CACNA2D3: variants seen among roughly 807,000 people sequenced by gnomAD.
CACNA2D3 encodes calcium voltage-gated channel auxiliary subunit alpha2delta 3, also known as voltage-dependent calcium channel subunit alpha-2/delta-3.
In CACNA2D3, 60 loss-of-function variants were observed where a neutral mutation model predicts 160.6. The observed-to-expected ratio is 0.37, with a 90% confidence interval of 0.30 to 0.46. The LOEUF is 0.46. CACNA2D3 is among the 20% of genes least tolerant of loss of function. The pLI, the probability that CACNA2D3 is intolerant of heterozygous loss-of-function variation, is 1.00. For synonymous variants in CACNA2D3, 558 were observed against 492.9 expected, an observed-to-expected ratio of 1.13 and a Z score of -1.75; for missense variants, 1,205 against 1,365.0, an observed-to-expected ratio of 0.88 and a Z score of 1.85.
intron 2 of CACNA2D3, among the ~76,000 whole-genome samples, chr3:54,176,504 A>G (rs935023338): frequency 1.1e-4 from 17 of 152,136 alleles, no homozygotes; most frequent in African/African-American, 4.1e-4. Context: ...TAATGTTTTA[A>G]TTCACGTGTG....
rs771978163 is a variant in CACNA2D3, at chr3:54,984,573, G to GT, written c.2557-28dup. The GT allele has an allele frequency of 5.2e-5, 68 of 1,315,144 alleles. 1 individual carries two copies. In the African/African-American group the frequency reaches 9.0e-4, roughly 17 times the overall value. The allele number at this position is 1,315,144 out of a possible 1,614,324, so 81.5% of individuals were successfully genotyped here. On this transcript the variant is annotated intron_variant, in intron 29 of 37. Transcript: ENST00000474759. ...AGTGTGATGGCCCGAAGTTGAAGCT[G>GT]TTTTTTTGTTTTTGTTTTTTTTTTA...
chr3:55,050,110 G>T (rs1704161112), intron 35 of CACNA2D3, among the ~76,000 whole-genome samples: 1 of 151,558 alleles, frequency 6.6e-6, no homozygotes, highest in South Asian at 2.1e-4. Flanking sequence ...TACATTTAAA[G>T]TTAATATTGT....
intron 1 of CACNA2D3, among the ~76,000 whole-genome samples, chr3:54,123,122 C>A (rs1368640686): frequency 6.6e-6 from 1 of 151,600 alleles, no homozygotes; most frequent in Non-Finnish European, 1.5e-5. Context: ...CGCTGAATTT[C>A]CCCCCTCTTT....
chr3:54,139,554 T>G (rs1350370061), intron 2 of CACNA2D3, among the ~76,000 whole-genome samples: 1 of 152,244 alleles, frequency 6.6e-6, no homozygotes, highest in East Asian at 1.9e-4. Context: ...TGTATGGGAA[T>G]GGAGTCTTCC....
At chr3:54,742,574 C>T (rs1701675181) in intron 11 of CACNA2D3, among the ~76,000 whole-genome samples, 1 of 152,212 alleles carries the variant, frequency 6.6e-6, no homozygotes, top group South Asian at 2.1e-4. Flanking sequence ...ACCCACTCAG[C>T]TCTGGCTTCC....
chr3:54,311,422 G>A (rs1216609395), intron 2 of CACNA2D3, among the ~76,000 whole-genome samples: 1 of 152,194 alleles, frequency 6.6e-6, no homozygotes, highest in African/African-American at 2.4e-5. Flanking sequence ...CTTCCAGGAA[G>A]CAGGGAATCA....
At chr3:54,232,460 T>A (rs1701790715) in intron 2 of CACNA2D3, among the ~76,000 whole-genome samples, 1 of 152,192 alleles carries the variant, frequency 6.6e-6, no homozygotes, top group Non-Finnish European at 1.5e-5. Context: ...GAACCTCATG[T>A]GCATAATATT....
intron 2 of CACNA2D3, among the ~76,000 whole-genome samples, chr3:54,222,642 T>TTAGGGTCAATA (rs1300217296): frequency 1.3e-5 from 2 of 152,220 alleles, no homozygotes; most frequent in Non-Finnish European, 2.9e-5. Context: ...TTTATTGACC[T>TTAGGGTCAATA]TAGGGTCATT....
At chr3:54,870,095 G>A (rs1448195278) in intron 17 of CACNA2D3, among the ~76,000 whole-genome samples, 1 of 152,186 alleles carries the variant, frequency 6.6e-6, no homozygotes, top group Non-Finnish European at 1.5e-5. Context: ...AGAGGTCGCA[G>A]AGTTCCTGAA....
At chr3:54,512,198 A>G (rs1459014625) in intron 5 of CACNA2D3, among the ~76,000 whole-genome samples, 3 of 152,156 alleles carry the variant, frequency 2.0e-5, no homozygotes, top group African/African-American at 7.2e-5. Context: ...CTGGCCAGCC[A>G]TCGGGCTCGC....
rs567319890 is a variant in CACNA2D3, at chr3:54,169,859, A to G, written c.204+46265A>G. ...CTCTGAAGAGGACACATTTCAGCCA[A>G]GATCTGAATGATAATGATTTTTCCA... On this transcript the variant is annotated intron_variant, in intron 2 of 37. Transcript: ENST00000474759. 2.4e-4 allele frequency among the ~76,000 whole-genome samples: 36 copies of G among 152,198 alleles called. No homozygotes were observed. The South Asian group carries it at 7.1e-3, about 30-fold the overall frequency.
At chr3:54,484,670 A>G (rs965845962) in intron 4 of CACNA2D3, among the ~76,000 whole-genome samples, 1 of 151,306 alleles carries the variant, frequency 6.6e-6, no homozygotes, top group Non-Finnish European at 1.5e-5. Context: ...TTCTGTGTCT[A>G]TCTTTTAATT....
At chr3:54,641,398 G>T (rs1699516637) in intron 10 of CACNA2D3, among the ~76,000 whole-genome samples, 1 of 152,190 alleles carries the variant, frequency 6.6e-6, no homozygotes, top group South Asian at 2.1e-4. Flanking sequence ...GTTAAGAGGG[G>T]TGTGGAAGCC....
intron 31 of CACNA2D3, among the ~76,000 whole-genome samples, chr3:54,997,038 G>C (rs1284621979): frequency 6.6e-6 from 1 of 152,150 alleles, no homozygotes; most frequent in Non-Finnish European, 1.5e-5. Flanking sequence ...GGAGGACTAG[G>C]GGAGGGATAG....
chr3:54,538,593 A>C (rs1405200394), intron 5 of CACNA2D3, among the ~76,000 whole-genome samples: 1 of 152,130 alleles, frequency 6.6e-6, no homozygotes, highest in African/African-American at 2.4e-5. Context: ...GAGGATGCCA[A>C]GCTTCTGGGC....
intron 35 of CACNA2D3, among the ~76,000 whole-genome samples, chr3:55,022,615 C>T (rs1262054088): frequency 2.1e-5 from 3 of 145,162 alleles, no homozygotes; most frequent in Non-Finnish European, 3.0e-5. Flanking sequence ...TCCTTCCCTC[C>T]CTCCCTCCCT....
chr3:54,678,900 A>G (rs1700294157), intron 11 of CACNA2D3, among the ~76,000 whole-genome samples: 1 of 152,194 alleles, frequency 6.6e-6, no homozygotes. Flanking sequence ...CTCAACGAAC[A>G]GTCTGAATTG....
intron 11 of CACNA2D3, among the ~76,000 whole-genome samples, chr3:54,752,041 T>C (rs1701867132): frequency 6.6e-6 from 1 of 152,132 alleles, no homozygotes. Context: ...AACCAAAAGC[T>C]TAGGAAGACT....
At chr3:54,846,763 A>G (rs187494059) in intron 17 of CACNA2D3, among the ~76,000 whole-genome samples, 37 of 152,354 alleles carry the variant, frequency 2.4e-4, no homozygotes, top group Non-Finnish European at 2.5e-4. Flanking sequence ...AACTCTAGAC[A>G]GCATGAAACC....
Sources: gnomAD v4.1 joint callset for allele counts (sites outside exome capture counted in the v4.1 genomes callset) on GRCh38, gnomAD v4.1.1 for gene constraint, MANE v1.5 for transcripts, NCBI Gene and HGNC (gene_info 2026-07-23, HGNC 2026-07-21) for gene names.